TTLL5: variants seen among roughly 807,000 people sequenced by gnomAD.
TTLL5 encodes the protein tubulin polyglutamylase TTLL5.
Under a neutral mutation model 168.4 loss-of-function variants are expected in TTLL5, and 132 were observed. The observed-to-expected ratio is 0.78, with a 90% CI of 0.68 to 0.91. The LOEUF (loss-of-function observed/expected upper bound fraction) is 0.91, where lower values mean the gene tolerates loss of function less well. TTLL5 is among the 40% of genes least tolerant of loss of function. The pLI, the probability that TTLL5 is intolerant of heterozygous loss-of-function variation, is 0.00. For missense variants in TTLL5, 1,545 were observed against 1,581.5 expected (o/e 0.98, Z 0.39); for synonymous variants, 546 against 558.6 (o/e 0.98, Z 0.32).
chr14:75,675,896 G>A (rs1448185801), intron 3 of TTLL5, among the ~76,000 whole-genome samples: 1 of 152,160 alleles, frequency 6.6e-6, no homozygotes, highest in East Asian at 1.9e-4. Context: ...AATTATGTAA[G>A]CTAAAAAGTC....
chr14:75,815,622 A>G (rs1333299290), intron 27 of TTLL5, among the ~76,000 whole-genome samples: 1 of 152,254 alleles, frequency 6.6e-6, no homozygotes, highest in Non-Finnish European at 1.5e-5. Context: ...AAGGGAAAGA[A>G]GGAAAAGCTG....
intron 18 of TTLL5, among the ~76,000 whole-genome samples, chr14:75,760,329 G>T (rs1890553209): frequency 6.6e-6 from 1 of 151,928 alleles, no homozygotes; most frequent in Non-Finnish European, 1.5e-5. Flanking sequence ...ATTACTGAAA[G>T]AAATTAAAGA....
At position 75,954,556 on chromosome 14, in the gene TTLL5, T is replaced by A; in HGVS notation, c.*110T>A. The A allele has an allele frequency of 8.0e-7, 1 of 1,252,994 alleles. No homozygotes were observed. Among genetic ancestry groups the A allele is most frequent in the Non-Finnish European group, 1.1e-6 (1 of 873,654 alleles). The allele number at this position is 1,252,994 out of a possible 1,614,324, so 77.6% of individuals were successfully genotyped here. A position where few individuals can be genotyped will look rare whatever the true frequency, so the allele number is the denominator to read the frequency against. ...CCATAGTATTTTTTTTTTTGCTGCC[T>A]CAAAGTCCCCAAAGCCTTCGAGCAG... On this transcript the variant is annotated 3_prime_UTR_variant, in exon 32 of 32. Coordinates refer to ENST00000298832, the MANE Select transcript of TTLL5 (RefSeq NM_015072.5).
chr14:75,824,415 C>CAGTCAGTCCTGTCCCGG (rs57884854), intron 28 of TTLL5, among the ~76,000 whole-genome samples: 18,380 of 152,120 alleles, frequency 0.12, 1,476 homozygotes, highest in East Asian at 0.4. Flanking sequence ...TCAAGAAGGG[C>CAGTCAGTCCTGTCCCGG]ATGTAAGGAG....
chr14:75,922,514 GT>G (rs2033862553), intron 31 of TTLL5, among the ~76,000 whole-genome samples: 2 of 152,078 alleles, frequency 1.3e-5, no homozygotes, highest in Non-Finnish European at 2.9e-5. Context: ...CTCTGGTTCT[GT>G]TTATGTGATG....
intron 20 of TTLL5, among the ~76,000 whole-genome samples, chr14:75,768,886 A>G (rs1467818569): frequency 6.6e-6 from 1 of 152,198 alleles, no homozygotes; most frequent in Non-Finnish European, 1.5e-5. Flanking sequence ...ACTCAGTCAG[A>G]AGACCTGAGC....
chr14:75,834,457 C>T (rs1895764765), intron 28 of TTLL5, among the ~76,000 whole-genome samples: 2 of 152,142 alleles, frequency 1.3e-5, no homozygotes, highest in South Asian at 4.1e-4. Flanking sequence ...ATCTTTATAC[C>T]TATGTTTTCA....
chr14:75,767,677 G>A (rs1007245170), intron 20 of TTLL5, among the ~76,000 whole-genome samples: 9 of 152,200 alleles, frequency 5.9e-5, no homozygotes, highest in Admixed American at 2.0e-4. Context: ...AGGAGCCTAA[G>A]CTTTATTTTC....
intron 31 of TTLL5, among the ~76,000 whole-genome samples, chr14:75,944,976 C>T (rs2034722463): frequency 6.6e-6 from 1 of 151,990 alleles, no homozygotes. Flanking sequence ...TGTGCATGCT[C>T]ATCTCCCAAG....
At chr14:75,903,112 C>T (rs569000888) in intron 31 of TTLL5, among the ~76,000 whole-genome samples, 1 of 152,298 alleles carries the variant, frequency 6.6e-6, no homozygotes, top group Non-Finnish European at 1.5e-5. Flanking sequence ...AATGTAGGAA[C>T]TATATTCCCC....
At position 75,932,547 on chromosome 14, in the gene TTLL5, A is replaced by AT. The variant is rs541115738; in HGVS notation, c.3824-21868dup. The stretch of plus-strand genomic sequence containing the variant: ...AAATAGAATGTTAACAGGCCATTTT[A>AT]TTTTTTTTTACTGTTTTAACCCATG... On this transcript the variant is annotated intron_variant, in intron 31 of 31. Transcript: ENST00000298832. 3.3e-3 allele frequency among the ~76,000 whole-genome samples: 501 copies of AT among 150,742 alleles called. 5 individuals are homozygous for AT. Among genetic ancestry groups the AT allele is most frequent in the South Asian group, 0.032 (155 of 4,774 alleles).
Position 75,766,341 on chromosome 14 carries a change from A to G in TTLL5, c.1988A>G (p.Gln663Arg). 2 of 1,610,844 alleles carry G rather than the reference A, an allele frequency of 1.2e-6. No homozygotes were observed. The highest frequency in any genetic ancestry group is 2.2e-5 in the East Asian group (1 of 44,854). Residue 663 changes from glutamine to arginine, a missense_variant, in exon 20 of 32, where the codon CAG (glutamine) becomes CGG (arginine). Coordinates refer to ENST00000298832, the MANE Select transcript of TTLL5 (RefSeq NM_015072.5). ...QELEPKFNLM[Q>R]ILQDNGNLSK... is the part of the protein sequence containing the mutation. ...CTAGAGCCTAAATTTAACCTGATGC[A>G]GATTCTTCAAGATAATGGCAATCTT... is the stretch of plus-strand genomic sequence containing the variant.
At chr14:75,693,411 T>G (rs151008801) in intron 6 of TTLL5, among the ~76,000 whole-genome samples, 20 of 152,324 alleles carry the variant, frequency 1.3e-4, no homozygotes, top group African/African-American at 4.1e-4. Flanking sequence ...AAGGTATAGC[T>G]TTTTGTTCTA....
intron 27 of TTLL5, among the ~76,000 whole-genome samples, chr14:75,816,889 T>C (rs1894444347): frequency 6.6e-6 from 1 of 151,440 alleles, no homozygotes; most frequent in Admixed American, 6.6e-5. Flanking sequence ...GCCCCTAGGA[T>C]ATAGGAAGAA....
chr14:75,707,721 TG>T lies in TTLL5; in HGVS notation c.740+19del, dbSNP rs1395146922. On this transcript the variant is annotated intron_variant, in intron 9 of 31. Coordinates refer to ENST00000298832, the MANE Select transcript of TTLL5 (RefSeq NM_015072.5). Reference sequence around the variant, plus strand: ...AGGATTGGCTAGGTAAGAAGCTGTTTGGGGGTGAAGGGGTTGGGTGGGTATA... The same window carrying T: ...AGGATTGGCTAGGTAAGAAGCTGTTTGGGGTGAAGGGGTTGGGTGGGTATA... 6.7e-7 allele frequency: 1 copy of T among 1,495,968 alleles called. No homozygotes were observed. Among genetic ancestry groups the T allele is most frequent in the Non-Finnish European group, 9.2e-7 (1 of 1,087,952 alleles). The allele number at this position is 1,495,968 out of a possible 1,614,324, so 92.7% of individuals were successfully genotyped here. A position where few individuals can be genotyped will look rare whatever the true frequency, so the allele number is the denominator to read the frequency against.
chr14:75,732,243 T>C, intron 12 of TTLL5, 95 bp from the exon 13 acceptor site: 1 of 1,023,396 alleles, frequency 9.8e-7, no homozygotes, highest in Non-Finnish European at 1.4e-6. Flanking sequence ...AGTGAGTTTC[T>C]AGGCCTGGGA....
At position 75,949,420 on chromosome 14, in the gene TTLL5, G is replaced by GTATATATATATTCTA. The variant is rs952373014; in HGVS notation, c.3824-4985_3824-4971dup. On this transcript the variant is annotated intron_variant, in intron 31 of 31. Coordinates refer to ENST00000298832, the MANE Select transcript of TTLL5 (RefSeq NM_015072.5). ...TAGAATATATATATGGTTTTATAGAGTATATATATATTCTATATATATATA... is the reference window on the plus strand; with the variant it reads ...TAGAATATATATATGGTTTTATAGAGTATATATATATTCTATATATATATATTCTATATATATATA... 3.0e-4 allele frequency among the ~76,000 whole-genome samples: 40 copies of GTATATATATATTCTA among 135,426 alleles called. No individual in the cohort carries two copies. The South Asian group carries it at 5.3e-3, about 18-fold the overall frequency. 88.8% of individuals were successfully genotyped at this position (135,426 alleles called of 152,430 possible). A position where few individuals can be genotyped will look rare whatever the true frequency, so the allele number is the denominator to read the frequency against.
Position 75,751,631 on chromosome 14 carries a change from G to A in TTLL5, c.1488-1262G>A, listed in dbSNP as rs555337658. ...TTCCATGTAATATTTTCAGTCTTTC[G>A]TTCACTGTGGGTAACTGAAACATGA... On this transcript the variant is annotated intron_variant, in intron 17 of 31. Coordinates refer to ENST00000298832, the MANE Select transcript of TTLL5 (RefSeq NM_015072.5). Among the ~76,000 whole-genome samples, 18 of 152,170 alleles carry A rather than the reference G, an allele frequency of 1.2e-4. No individual in the cohort carries two copies. In the South Asian group the frequency reaches 2.1e-3, roughly 18 times the overall value.
chr14:75,946,442 G>C (rs2034775361), intron 31 of TTLL5, among the ~76,000 whole-genome samples: 1 of 152,196 alleles, frequency 6.6e-6, no homozygotes. Flanking sequence ...AGGAGGAAAA[G>C]GAAACATGGA....
Sources: allele counts gnomAD v4.1 joint callset (sites outside exome capture counted in the v4.1 genomes callset), GRCh38; gene constraint gnomAD v4.1.1; transcripts MANE v1.5; gene names NCBI Gene and HGNC (gene_info 2026-07-23, HGNC 2026-07-21).